The following SARS1 variants were observed in gnomAD, a reference collection of about 807,000 sequenced individuals.
SARS1 encodes the protein seryl-tRNA synthetase 1.
In SARS1, 25 loss-of-function variants were observed where a neutral mutation model predicts 63.7. The observed-to-expected ratio is 0.39, with a 90% confidence interval of 0.29 to 0.55. The LOEUF is 0.55. SARS1 is among the 20% of genes least tolerant of loss of function. The pLI is 0.62. For synonymous variants in SARS1, 231 were observed against 243.5 expected, an observed-to-expected ratio of 0.95 and a Z score of 0.48; for missense variants, 417 against 649.7, an observed-to-expected ratio of 0.64 and a Z score of 3.89.
chr1:109,220,630 C>A (rs1654906722), intron 1 of SARS1, among the ~76,000 whole-genome samples: 1 of 152,164 alleles, frequency 6.6e-6, no homozygotes, highest in Admixed American at 6.5e-5. Context: ...GATACAGATA[C>A]CACAGATCTC....
At chr1:109,219,626 C>T (rs1403811864) in intron 1 of SARS1, among the ~76,000 whole-genome samples, 1 of 151,868 alleles carries the variant, frequency 6.6e-6, no homozygotes, top group East Asian at 1.9e-4. Context: ...CATTCTCCTG[C>T]CTCAGCCTCC....
intron 1 of SARS1, among the ~76,000 whole-genome samples, chr1:109,221,699 A>G (rs1654931787): frequency 6.6e-6 from 1 of 152,138 alleles, no homozygotes; most frequent in South Asian, 2.1e-4. Flanking sequence ...AGACTCATAT[A>G]CTGAAAACTA....
chr1:109,218,688 A>G (rs1277526704), intron 1 of SARS1, among the ~76,000 whole-genome samples: 1 of 151,746 alleles, frequency 6.6e-6, no homozygotes, highest in Non-Finnish European at 1.5e-5. Flanking sequence ...ACTCTTTCAC[A>G]CTTCTGTGAC....
intron 1 of SARS1, among the ~76,000 whole-genome samples, chr1:109,223,579 T>C (rs4970830): frequency 2.6e-5 from 4 of 152,078 alleles, no homozygotes; most frequent in African/African-American, 7.2e-5. Context: ...CCCAGCACTT[T>C]GGGAGGGCGA....
At chr1:109,226,695 TATACACAC>T (rs1298048936) in intron 2 of SARS1, among the ~76,000 whole-genome samples, 2 of 43,176 alleles carry the variant, frequency 4.6e-5, no homozygotes, top group Admixed American at 6.3e-4. Flanking sequence ...TATATATATA[TATACACAC>T]ACACACACAC....
At chr1:109,215,609 GGGCA>G in intron 1 of SARS1, 22 of 982,374 alleles carry the variant, frequency 2.2e-5, no homozygotes, top group Non-Finnish European at 2.5e-5. Flanking sequence ...TCTGTCTTCA[GGGCA>G]CTTTATATTC....
In SARS1 at chr1:109,237,644, C is replaced by CCCCTTTGTCTTGTTG; in HGVS notation, c.1388-87_1388-86insCCCTTTGTCTTGTTG. On this transcript the variant is annotated intron_variant, in intron 10 of 10. Transcript: ENST00000234677. This position sits in a 1 kb window ranked among gnomAD's most constrained non-coding sequence, Gnocchi z 4.1. ...AAGGGACCCCTCTGTTCAAAGGGAT[C>CCCCTTTGTCTTGTTG]ATTGTCTTGTTGAATTCTCCCCAGA... The CCCCTTTGTCTTGTTG allele has an allele frequency of 1.4e-6, 2 of 1,445,080 alleles. No individual in the cohort carries two copies. Among genetic ancestry groups the CCCCTTTGTCTTGTTG allele is most frequent in the South Asian group, 2.5e-5 (2 of 81,560 alleles). 89.5% of individuals were successfully genotyped at this position (1,445,080 alleles called of 1,614,324 possible).
At chr1:109,223,832 T>C (rs1020248925) in intron 1 of SARS1, 146 bp from the exon 2 acceptor site, 2 of 658,082 alleles carry the variant, frequency 3.0e-6, no homozygotes, top group Non-Finnish European at 5.5e-6. Context: ...AGCTGTAAGA[T>C]TTTATAACTT....
Position 109,213,924 on chromosome 1 carries a change from C to T in SARS1, c.-69C>T, listed in dbSNP as rs559313056. ...GGCGGGTCAGCGCGCCGGCGCAGTG[C>T]GGCGGTCACAGGCTGAGTGCTGCGG... On this transcript the variant is annotated 5_prime_UTR_variant, in exon 1 of 11. Coordinates refer to ENST00000234677, the MANE Select transcript of SARS1 (RefSeq NM_006513.4). The T allele has an allele frequency of 2.0e-6, 3 of 1,500,800 alleles. No homozygotes were observed. Among genetic ancestry groups the T allele is most frequent in the African/African-American group, 1.4e-5 (1 of 70,176 alleles). The allele number at this position is 1,500,800 out of a possible 1,614,324, so 93.0% of individuals were successfully genotyped here.
rs1655338349 is a variant in SARS1 at position 109,237,486 on chromosome 1, A to G, written c.1387+113A>G. 1 of 1,489,074 alleles carries G rather than the reference A, an allele frequency of 6.7e-7. No homozygotes were observed. Among genetic ancestry groups the G allele is most frequent in the African/African-American group, 1.4e-5 (1 of 72,016 alleles). The allele number at this position is 1,489,074 out of a possible 1,614,324, so 92.2% of individuals were successfully genotyped here. A position where few individuals can be genotyped will look rare whatever the true frequency, so the allele number is the denominator to read the frequency against. ...TTTTTTGTTCAGACACAGCCCCTGA[A>G]ACTCTGTCTGCCCTCTCGGGCTGGG... On this transcript the variant is annotated intron_variant, in intron 10 of 10. Coordinates refer to ENST00000234677, the MANE Select transcript of SARS1 (RefSeq NM_006513.4). The surrounding 1 kb of genome is among the most constrained non-coding windows in gnomAD (Gnocchi z 4.1).
intron 6 of SARS1, among the ~76,000 whole-genome samples, chr1:109,233,456 A>G (rs1261017512): frequency 6.7e-6 from 1 of 150,192 alleles, no homozygotes; most frequent in Non-Finnish European, 1.5e-5. Flanking sequence ...GCCTCTAAAC[A>G]CTGATCCAGG....
chr1:109,216,063 A>G, intron 1 of SARS1: 1 of 985,282 alleles, frequency 1.0e-6, no homozygotes, highest in Non-Finnish European at 1.2e-6. Context: ...AACCCTTTCC[A>G]ATATTCTCTT....
intron 1 of SARS1, among the ~76,000 whole-genome samples, chr1:109,219,921 C>T (rs1214388602): frequency 6.6e-6 from 1 of 152,102 alleles, no homozygotes; most frequent in Non-Finnish European, 1.5e-5. Flanking sequence ...GTAAATATGC[C>T]AATCAATTCT....
At chr1:109,226,995 CT>C (rs562155510) in intron 2 of SARS1, among the ~76,000 whole-genome samples, 3,655 of 131,192 alleles carry the variant, frequency 0.028, 81 homozygotes, top group African/African-American at 0.091. Context: ...TTCTTTAACT[CT>C]TTTTTTTTTT....
intron 2 of SARS1, among the ~76,000 whole-genome samples, chr1:109,225,271 A>AC (rs1655040841): frequency 1.3e-5 from 2 of 152,112 alleles, no homozygotes; most frequent in Admixed American, 1.3e-4. Context: ...CTTACACTTA[A>AC]CTTCATGGCA....
At chr1:109,224,072 G>C (rs773789269) in intron 2 of SARS1, 24 bp downstream of exon 2, 14 of 1,554,228 alleles carry the variant, frequency 9.0e-6, no homozygotes, top group Non-Finnish European at 1.2e-5. Flanking sequence ...ATAACAAACA[G>C]CCATGAGAAC....
Position 109,235,134 on chromosome 1 carries a change from T to C in SARS1, c.748-76T>C. On this transcript the variant is annotated intron_variant, in intron 6 of 10. Coordinates refer to ENST00000234677, the MANE Select transcript of SARS1 (RefSeq NM_006513.4). The surrounding 1 kb of genome is among the most constrained non-coding windows in gnomAD (Gnocchi z 4.7). ...AATTTTTCCTGCACTATTATTGATC[T>C]CTTTCTTGTGGTTTCTTATTCTAGC... is the stretch of plus-strand genomic sequence containing the variant. 3.4e-6 allele frequency: 4 copies of C among 1,171,154 alleles called. No individual in the cohort carries two copies. The Middle Eastern group carries it at 5.9e-4, about 171-fold the overall frequency. The allele number at this position is 1,171,154 out of a possible 1,614,324, so 72.5% of individuals were successfully genotyped here.
At chr1:109,228,529 G>A in intron 3 of SARS1, 97 bp downstream of exon 3, 3 of 773,688 alleles carry the variant, frequency 3.9e-6, no homozygotes, top group East Asian at 2.6e-5. Flanking sequence ...ACACAGCATT[G>A]TGACATCCTT....
At chr1:109,215,502 A>G in intron 1 of SARS1, 1 of 984,046 alleles carries the variant, frequency 1.0e-6, no homozygotes, top group Non-Finnish European at 1.2e-6. Context: ...ATATGTGGAT[A>G]TACATATACA....
Sources: allele counts gnomAD v4.1 joint callset (sites outside exome capture counted in the v4.1 genomes callset), GRCh38; gene constraint gnomAD v4.1.1; non-coding constraint Gnocchi (gnomAD v3.1); transcripts MANE v1.5; gene names NCBI Gene and HGNC (gene_info 2026-07-23, HGNC 2026-07-21).